Variants in PDE5A observed in about 807,000 individuals in gnomAD.
PDE5A encodes the protein cGMP-specific 3',5'-cyclic phosphodiesterase.
A neutral mutation model predicts 110.2 loss-of-function variants in PDE5A; 67 were observed. The observed-to-expected ratio is 0.61, with a 90% CI of 0.50 to 0.75. The LOEUF (loss-of-function observed/expected upper bound fraction) is 0.75. Ranked by LOEUF, PDE5A falls within the 30% of genes least tolerant of loss-of-function variation. PDE5A has a pLI of 0.00. For synonymous variants in PDE5A, 328 were observed against 351.2 expected, an observed-to-expected ratio of 0.93 and a Z score of 0.74; for missense variants, 862 against 1,045.1, an observed-to-expected ratio of 0.82 and a Z score of 2.42.
chr4:119,623,321 T>C (rs1397002320), intron 1 of PDE5A, among the ~76,000 whole-genome samples: 1 of 152,206 alleles, frequency 6.6e-6, no homozygotes, highest in Non-Finnish European at 1.5e-5. Context: ...ATTCACAAAT[T>C]AGTCATTTTT....
chr4:119,510,962 C>G (rs747228879), intron 15 of PDE5A, 85 bp downstream of exon 15: 10 of 894,674 alleles, frequency 1.1e-5, no homozygotes, highest in Non-Finnish European at 1.8e-5. Flanking sequence ...ATTTATGATG[C>G]TGGGAATAAA....
rs1176381077 is a variant in PDE5A at position 119,607,251 on chromosome 4, C to G, written c.199G>C (p.Val67Leu). The G allele has an allele frequency of 2.5e-6, 4 of 1,613,452 alleles. No individual in the cohort carries two copies. The South Asian group carries it at 3.3e-5, about 13-fold the overall frequency. Residue 67 changes from valine to leucine, a missense_variant, in exon 2 of 21, where the codon GTG becomes CTG. By Grantham distance (32) the Val-to-Leu change is conservative (BLOSUM62 1). Transcript: ENST00000354960. ...TGGCCTCTGATACCTTCCTTGCACA[C>G]AGGGATGGTGTGAACTCTCTCAGCA... ...WFAERVHTIP[V>L]CKEGIRGHTE...
intron 3 of PDE5A, among the ~76,000 whole-genome samples, chr4:119,578,409 G>A (rs1728455414): frequency 6.6e-6 from 1 of 152,144 alleles, no homozygotes; most frequent in Admixed American, 6.6e-5. Context: ...AACAAAGCTG[G>A]AGGCATCACG....
intron 12 of PDE5A, among the ~76,000 whole-genome samples, chr4:119,523,589 G>C (rs1726204893): frequency 6.6e-6 from 1 of 151,936 alleles, no homozygotes; most frequent in Non-Finnish European, 1.5e-5. Context: ...AACCAGAAAA[G>C]GTAGGATGAT....
intron 15 of PDE5A, among the ~76,000 whole-genome samples, chr4:119,510,578 G>A (rs1350693392): frequency 1.3e-5 from 2 of 151,898 alleles, no homozygotes; most frequent in Non-Finnish European, 2.9e-5. Flanking sequence ...GCATAGCATA[G>A]CATATGCTTT....
intron 1 of PDE5A, among the ~76,000 whole-genome samples, chr4:119,619,299 C>T (rs542399430): frequency 6.6e-6 from 1 of 152,262 alleles, no homozygotes; most frequent in African/African-American, 2.4e-5. Context: ...ACTATTCAAT[C>T]TGAGAAACTG....
At chr4:119,546,565 AC>A (rs1402261585) in intron 9 of PDE5A, among the ~76,000 whole-genome samples, 41 of 152,128 alleles carry the variant, frequency 2.7e-4, no homozygotes, top group Admixed American at 2.7e-3. Flanking sequence ...AAGGGCAATA[AC>A]CATCAGCTAT....
intron 14 of PDE5A, among the ~76,000 whole-genome samples, chr4:119,517,499 CTT>C (rs34463475): frequency 3.2e-4 from 46 of 142,952 alleles, no homozygotes; most frequent in Non-Finnish European, 3.7e-4. Flanking sequence ...ACTGCTTTAA[CTT>C]TTTTTTTTTT....
In PDE5A at chr4:119,511,089, T is replaced by C. The variant is rs1056958774; in HGVS notation, c.2046A>G (p.Glu682=). ...TCAGGCACTGGTCAAAATGATGGTG[T>C]TCCATGATTGAATGGCAGTAAAGCT... ...LAQLYCHSIM[E]HHHFDQCLMI... Residue 682 remains glutamate (E), a synonymous_variant, in exon 15 of 21, where the codon GAA becomes GAG. Coordinates refer to ENST00000354960, the MANE Select transcript of PDE5A (RefSeq NM_001083.4). 5 of 1,610,630 alleles carry C rather than the reference T, an allele frequency of 3.1e-6. No homozygotes were observed. The highest frequency in any genetic ancestry group is 4.2e-6 in the Non-Finnish European group (5 of 1,177,398).
rs561882445 is a variant in PDE5A, at chr4:119,627,303, C to G, written c.152+1217G>C. On this transcript the variant is annotated intron_variant, in intron 1 of 20. Coordinates refer to ENST00000354960, the MANE Select transcript of PDE5A (RefSeq NM_001083.4). The surrounding 1 kb of genome is among the most constrained non-coding windows in gnomAD (Gnocchi z 4.6). ...CTCAGAACCAGCTCCCTCACGGCCCCGGCCTCCGCGCCGCCGCCCGTCGCC... is the reference window on the plus strand; with the variant it reads ...CTCAGAACCAGCTCCCTCACGGCCCGGGCCTCCGCGCCGCCGCCCGTCGCC... 22 of 1,293,306 alleles carry G rather than the reference C, an allele frequency of 1.7e-5. No homozygotes were observed. The highest frequency in any genetic ancestry group is 3.0e-5 in the African/African-American group (2 of 65,890). The allele number at this position is 1,293,306 out of a possible 1,614,324, so 80.1% of individuals were successfully genotyped here.
chr4:119,521,293 T>G (rs559773875), intron 12 of PDE5A, among the ~76,000 whole-genome samples: 14 of 152,030 alleles, frequency 9.2e-5, no homozygotes, highest in African/African-American at 3.4e-4. Context: ...CCATGTTAAG[T>G]ACCATGCTAA....
intron 11 of PDE5A, among the ~76,000 whole-genome samples, chr4:119,534,219 G>A (rs192548859): frequency 2.0e-5 from 3 of 152,286 alleles, no homozygotes; most frequent in Admixed American, 6.5e-5. Context: ...TGAGGAAGAT[G>A]ATGCCTTGGG....
At chr4:119,532,267 T>A (rs879583172) in intron 11 of PDE5A, among the ~76,000 whole-genome samples, 3 of 152,038 alleles carry the variant, frequency 2.0e-5, no homozygotes, top group Non-Finnish European at 4.4e-5. Flanking sequence ...ATTATTATTA[T>A]CACCAAGAAC....
chr4:119,496,431 C>T lies in PDE5A; in HGVS notation c.*2170G>A, dbSNP rs1725072868. 1 of 152,054 alleles carries T rather than the reference C, an allele frequency of 6.6e-6. No homozygotes were observed. Among genetic ancestry groups the T allele is most frequent in the Admixed American group, 6.6e-5 (1 of 15,246 alleles). 9.4% of individuals were successfully genotyped at this position (152,054 alleles called of 1,614,324 possible). On this transcript the variant is annotated 3_prime_UTR_variant, in exon 21 of 21. Coordinates refer to ENST00000354960, the MANE Select transcript of PDE5A (RefSeq NM_001083.4). Reference sequence around the variant, plus strand: ...TGCCCAGCTTCCTTTAATGTCTCAACTAGTAAAGTAAAATAAACAATATTC... The same window carrying T: ...TGCCCAGCTTCCTTTAATGTCTCAATTAGTAAAGTAAAATAAACAATATTC...
intron 3 of PDE5A, among the ~76,000 whole-genome samples, chr4:119,580,027 C>T (rs977415584): frequency 1.3e-5 from 2 of 152,174 alleles, no homozygotes; most frequent in Non-Finnish European, 2.9e-5. Context: ...GAGGACGTCG[C>T]TCCCCAGACG....
chr4:119,528,777 C>G (rs1726420356), intron 11 of PDE5A: 1 of 152,142 alleles, frequency 6.6e-6, no homozygotes, highest in Non-Finnish European at 1.5e-5. Context: ...ACTCTGGAAC[C>G]AAATGCCTTA....
chr4:119,505,691 A>G (rs1725525668), intron 17 of PDE5A, among the ~76,000 whole-genome samples, 164 bp downstream of exon 17: 1 of 151,932 alleles, frequency 6.6e-6, no homozygotes, highest in Admixed American at 6.6e-5. Flanking sequence ...TTTCAAGTAA[A>G]TATTCAAATT....
At chr4:119,562,280 A>G (rs919533037) in intron 6 of PDE5A, among the ~76,000 whole-genome samples, 1 of 152,216 alleles carries the variant, frequency 6.6e-6, no homozygotes, top group African/African-American at 2.4e-5. Context: ...TACAAAATCA[A>G]TGGACTGAAA....
chr4:119,503,431 G>A (rs1048144008), intron 18 of PDE5A, among the ~76,000 whole-genome samples: 1 of 151,962 alleles, frequency 6.6e-6, no homozygotes, highest in Admixed American at 6.6e-5. Flanking sequence ...GAACTTTCTC[G>A]ACATCTTATA....
Sources: allele counts gnomAD v4.1 joint callset (sites outside exome capture counted in the v4.1 genomes callset), GRCh38; gene constraint gnomAD v4.1.1; non-coding constraint Gnocchi (gnomAD v3.1); transcripts MANE v1.5; gene names NCBI Gene and HGNC (gene_info 2026-07-23, HGNC 2026-07-21).